PLEKHA5: variants seen among roughly 807,000 people sequenced by gnomAD.
PLEKHA5 encodes pleckstrin homology domain-containing family A member 5.
A neutral mutation model predicts 181.9 loss-of-function variants in PLEKHA5; 55 were observed. That is an observed-to-expected ratio of 0.30 (90% CI 0.24 to 0.38). PLEKHA5 has a LOEUF of 0.38. PLEKHA5 is among the 10% of genes least tolerant of loss of function. The pLI, the probability that PLEKHA5 is intolerant of heterozygous loss-of-function variation, is 1.00. For synonymous variants in PLEKHA5, 535 were observed against 529.4 expected, an observed-to-expected ratio of 1.01 and a Z score of -0.15; for missense variants, 1,432 against 1,549.5, an observed-to-expected ratio of 0.92 and a Z score of 1.27.
chr12:19,254,046 T>C (rs753319317), intron 4 of PLEKHA5, 23 bp downstream of exon 4: 1 of 1,376,756 alleles, frequency 7.3e-7, no homozygotes, highest in African/African-American at 1.4e-5. Flanking sequence ...TTTCATGGAA[T>C]GCCTGTATTC....
chr12:19,192,527 C>T (rs1208514348), intron 3 of PLEKHA5, among the ~76,000 whole-genome samples: 3 of 151,994 alleles, frequency 2.0e-5, no homozygotes, highest in Non-Finnish European at 4.4e-5. Context: ...GTTGAAACCC[C>T]GTCTCTACTC....
chr12:19,142,629 A>T (rs983803822), intron 3 of PLEKHA5, among the ~76,000 whole-genome samples: 1 of 152,180 alleles, frequency 6.6e-6, no homozygotes, highest in African/African-American at 2.4e-5. Flanking sequence ...TAAGGTGTAC[A>T]TGTTTGATGT....
At chr12:19,327,621 T>C (rs1402331625) in intron 20 of PLEKHA5, among the ~76,000 whole-genome samples, 1 of 143,496 alleles carries the variant, frequency 7.0e-6, no homozygotes, top group Admixed American at 7.6e-5. Flanking sequence ...TTTGTTTTTG[T>C]TGCTATTACT....
chr12:19,303,932 C>T (rs1282540751), intron 15 of PLEKHA5, among the ~76,000 whole-genome samples: 2 of 150,954 alleles, frequency 1.3e-5, no homozygotes, highest in Non-Finnish European at 2.9e-5. Context: ...CCTTCTGCCT[C>T]AGCCTCTCAA....
chr12:19,279,580 T>C (rs1463396271), intron 11 of PLEKHA5, among the ~76,000 whole-genome samples: 1 of 151,902 alleles, frequency 6.6e-6, no homozygotes, highest in Non-Finnish European at 1.5e-5. Flanking sequence ...GGAGAATCGT[T>C]TGAACCTGGG....
At chr12:19,354,234 C>T (rs1312159064) in intron 26 of PLEKHA5, among the ~76,000 whole-genome samples, 3 of 129,908 alleles carry the variant, frequency 2.3e-5, no homozygotes, top group African/African-American at 8.4e-5. Context: ...TCACTGCAAG[C>T]TCCGCCTCCC....
intron 10 of PLEKHA5, among the ~76,000 whole-genome samples, chr12:19,270,802 CTCT>C (rs1349638901): frequency 6.6e-6 from 1 of 152,074 alleles, no homozygotes; most frequent in African/African-American, 2.4e-5. Flanking sequence ...TCTTTTTTCC[CTCT>C]TCTTTTTTTT....
chr12:19,248,762 G>T (rs2064434070), intron 3 of PLEKHA5, among the ~76,000 whole-genome samples: 1 of 152,096 alleles, frequency 6.6e-6, no homozygotes, highest in African/African-American at 2.4e-5. Flanking sequence ...CATAGTTGGG[G>T]TTGAGTATGA....
At chr12:19,371,535 C>T (rs941919104) in intron 31 of PLEKHA5, 21 of 162,836 alleles carry the variant, frequency 1.3e-4, no homozygotes, top group African/African-American at 5.0e-4. Context: ...TAGTGTAGCT[C>T]CAACTTATAA....
intron 20 of PLEKHA5, among the ~76,000 whole-genome samples, chr12:19,331,314 A>G (rs2092806974): frequency 6.6e-6 from 1 of 152,204 alleles, no homozygotes; most frequent in Non-Finnish European, 1.5e-5. Context: ...TAAGAAAAGG[A>G]AAGTTTTCCT....
chr12:19,157,950 T>C (rs187348192), intron 3 of PLEKHA5, among the ~76,000 whole-genome samples: 228 of 152,300 alleles, frequency 1.5e-3, no homozygotes, highest in Middle Eastern at 3.4e-3. Flanking sequence ...GTGTAACATA[T>C]ATGGTATCTA....
intron 8 of PLEKHA5, among the ~76,000 whole-genome samples, chr12:19,268,793 T>C (rs1399519707): frequency 6.6e-6 from 1 of 152,192 alleles, no homozygotes; most frequent in African/African-American, 2.4e-5. Context: ...GTCTTTATTT[T>C]TCCAAAACCC....
intron 3 of PLEKHA5, among the ~76,000 whole-genome samples, chr12:19,178,101 A>T (rs1424237432): frequency 6.6e-6 from 1 of 151,900 alleles, no homozygotes; most frequent in Non-Finnish European, 1.5e-5. Context: ...ACCATTGAGC[A>T]CTCACCCCCA....
At chr12:19,196,347 T>C (rs2052728761) in intron 3 of PLEKHA5, among the ~76,000 whole-genome samples, 1 of 152,238 alleles carries the variant, frequency 6.6e-6, no homozygotes, top group Admixed American at 6.5e-5. Context: ...TATTGTTAAA[T>C]GCATATAGTG....
At chr12:19,288,092 A>AG in intron 13 of PLEKHA5, 2 of 333,514 alleles carry the variant, frequency 6.0e-6, no homozygotes, top group South Asian at 2.6e-5. Context: ...AAAAAAAAAA[A>AG]AAAAAGAAAC....
intron 12 of PLEKHA5, among the ~76,000 whole-genome samples, chr12:19,287,056 G>T (rs576307695): frequency 6.6e-6 from 1 of 151,998 alleles, no homozygotes; most frequent in African/African-American, 2.4e-5. Flanking sequence ...GGAGTGCAGT[G>T]GTGCTATCTC....
intron 21 of PLEKHA5, among the ~76,000 whole-genome samples, chr12:19,340,456 C>G (rs2093799082): frequency 1.5e-5 from 2 of 136,328 alleles, no homozygotes; most frequent in East Asian, 4.0e-4. Flanking sequence ...GAGGTGTACT[C>G]AACAGCTCAT....
intron 3 of PLEKHA5, among the ~76,000 whole-genome samples, chr12:19,155,493 A>G (rs1012379347): frequency 6.6e-6 from 1 of 152,130 alleles, no homozygotes; most frequent in African/African-American, 2.4e-5. Context: ...GTGCAGTTTG[A>G]GGACCTGTGA....
intron 3 of PLEKHA5, among the ~76,000 whole-genome samples, chr12:19,148,093 G>A (rs2039412356): frequency 1.3e-5 from 2 of 150,924 alleles, no homozygotes; most frequent in African/African-American, 4.9e-5. Context: ...GTCTCGTTCT[G>A]TTGCCCGGGC....
Sources: allele counts gnomAD v4.1 joint callset (sites outside exome capture counted in the v4.1 genomes callset), GRCh38; gene constraint gnomAD v4.1.1; transcripts MANE v1.5; gene names NCBI Gene and HGNC (gene_info 2026-07-23, HGNC 2026-07-21).